Variants in HAPLN1 observed in about 807,000 individuals in gnomAD.
HAPLN1 encodes the protein hyaluronan and proteoglycan link protein 1.
In HAPLN1, 13 loss-of-function variants were observed where a neutral mutation model predicts 36.5. The observed-to-expected ratio is 0.36, with a 90% CI of 0.23 to 0.57. The LOEUF is 0.57. Ranked by LOEUF, HAPLN1 falls within the 20% of genes least tolerant of loss-of-function variation. HAPLN1 has a pLI of 0.83. For synonymous variants in HAPLN1, 202 were observed against 169.8 expected, an observed-to-expected ratio of 1.19 and a Z score of -1.48; for missense variants, 407 against 439.7, an observed-to-expected ratio of 0.93 and a Z score of 0.66.
At chr5:83,692,306 A>G (rs1390166109) in intron 1 of HAPLN1, among the ~76,000 whole-genome samples, 1 of 151,948 alleles carries the variant, frequency 6.6e-6, no homozygotes, top group Non-Finnish European at 1.5e-5. Flanking sequence ...AGCACAAGAA[A>G]CATGCAGAAA....
intron 2 of HAPLN1, among the ~76,000 whole-genome samples, chr5:83,663,147 G>A (rs1360091109): frequency 6.6e-6 from 1 of 152,172 alleles, no homozygotes; most frequent in Non-Finnish European, 1.5e-5. Context: ...GGGGAGCACA[G>A]GCCCCGTTCT....
Position 83,641,762 on chromosome 5 carries a change from G to T in HAPLN1, c.799C>A (p.Pro267Thr), listed in dbSNP as rs947667195. The T allele has an allele frequency of 2.5e-5, 41 of 1,613,948 alleles. No homozygotes were observed. The highest frequency in any genetic ancestry group is 3.3e-5 in the Non-Finnish European group (39 of 1,179,898). ...GCTTCATCATAGGTCAGTTTGGTGG[G>T]GTGGATCAGATAGTAAAAACGGCCT... ...FNGRFYYLIH[P>T]TKLTYDEAVQ... Residue 267 changes from proline (P) to threonine (T), a missense_variant, in exon 5 of 5, where the codon CCC (proline) becomes ACC (threonine). Coordinates refer to ENST00000274341, the MANE Select transcript of HAPLN1 (RefSeq NM_001884.4).
Position 83,712,927 on chromosome 5 carries a change from A to C in HAPLN1, c.-27+7862T>G, listed in dbSNP as rs536689036. Among the ~76,000 whole-genome samples, 4 of 151,474 alleles carry C rather than the reference A, an allele frequency of 2.6e-5. No homozygotes were observed. The South Asian group carries it at 8.3e-4, about 31-fold the overall frequency. On this transcript the variant is annotated intron_variant, in intron 1 of 4. Transcript: ENST00000274341. ...GTTGCTGAGAAGTCCAGAGAAATCC[A>C]GGATTATGGACTACAAATCTGACCT...
At chr5:83,706,101 AT>A (rs199874412) in intron 1 of HAPLN1, among the ~76,000 whole-genome samples, 1,650 of 136,358 alleles carry the variant, frequency 0.012, 71 homozygotes, top group African/African-American at 0.041. Context: ...TAGCCTACCA[AT>A]CGAAAAAAAA....
intron 1 of HAPLN1, chr5:83,682,303 C>T (rs1471078344): frequency 6.6e-6 from 1 of 152,096 alleles, no homozygotes; most frequent in Non-Finnish European, 1.5e-5. Context: ...AGTTAATGAA[C>T]AACAAGAATC....
Position 83,652,511 on chromosome 5 carries a change from C to T in HAPLN1, c.414G>A (p.Lys138=), listed in dbSNP as rs772072729. Residue 138 remains lysine, a synonymous_variant, in exon 3 of 5, where the codon AAG becomes AAA. Coordinates refer to ENST00000274341, the MANE Select transcript of HAPLN1 (RefSeq NM_001884.4). ...DLTLEDYGRY[K]CEVIEGLEDD... ...CTTCTAATCCTTCAATCACCTCACA[C>T]TTATATCTCCCATAATCTTCCAGAG... The T allele has an allele frequency of 2.5e-6, 4 of 1,614,180 alleles. No individual in the cohort carries two copies. The highest frequency in any genetic ancestry group is 1.7e-5 in the Admixed American group (1 of 60,026).
At chr5:83,687,062 C>A (rs368791045) in intron 1 of HAPLN1, among the ~76,000 whole-genome samples, 5 of 151,982 alleles carry the variant, frequency 3.3e-5, no homozygotes, top group Admixed American at 2.6e-4. Flanking sequence ...TCAAAAATTA[C>A]GAAATATGTA....
At chr5:83,711,955 A>G (rs1450509797) in intron 1 of HAPLN1, among the ~76,000 whole-genome samples, 1 of 152,188 alleles carries the variant, frequency 6.6e-6, no homozygotes, top group Admixed American at 6.5e-5. Context: ...ACAAATTCAG[A>G]CAGTACTGAA....
intron 1 of HAPLN1, among the ~76,000 whole-genome samples, chr5:83,679,929 C>A (rs73133857): frequency 6.6e-6 from 1 of 152,112 alleles, no homozygotes; most frequent in Non-Finnish European, 1.5e-5. Context: ...GATATCAGAT[C>A]GTCTCTTCTA....
At chr5:83,662,994 T>A (rs1750448922) in intron 2 of HAPLN1, among the ~76,000 whole-genome samples, 2 of 152,192 alleles carry the variant, frequency 1.3e-5, no homozygotes, top group Non-Finnish European at 2.9e-5. Context: ...CAGCCTACAA[T>A]GGGTCAGGTA....
At chr5:83,714,359 A>G (rs1369765422) in intron 1 of HAPLN1, among the ~76,000 whole-genome samples, 1 of 152,240 alleles carries the variant, frequency 6.6e-6, no homozygotes, top group Non-Finnish European at 1.5e-5. Context: ...CTAATGGGGT[A>G]TAATAAAAAA....
chr5:83,691,942 A>G (rs1238146916), intron 1 of HAPLN1, among the ~76,000 whole-genome samples: 3 of 151,970 alleles, frequency 2.0e-5, no homozygotes, highest in Admixed American at 2.0e-4. Context: ...AAAGACATTT[A>G]CAACCAGCCT....
At chr5:83,697,561 C>A (rs567745201) in intron 1 of HAPLN1, among the ~76,000 whole-genome samples, 1 of 152,056 alleles carries the variant, frequency 6.6e-6, no homozygotes, top group East Asian at 1.9e-4. Flanking sequence ...ATCTACCAAG[C>A]GATGGAATAT....
rs894124822 is a variant in HAPLN1 at position 83,641,207 on chromosome 5, T to G, written c.*289A>C. On this transcript the variant is annotated 3_prime_UTR_variant, in exon 5 of 5. Transcript: ENST00000274341. ...TCCTAGCAATTCTTAAGCTATTGCA[T>G]GCCCCGTTCATGAAAGGATACTTTG... 5.9e-6 allele frequency: 1 copy of G among 170,194 alleles called. No homozygotes were observed. Among genetic ancestry groups the G allele is most frequent in the African/African-American group, 2.4e-5 (1 of 42,088 alleles). The allele number at this position is 170,194 out of a possible 1,614,324, so 10.5% of individuals were successfully genotyped here.
At chr5:83,652,122 T>A in intron 3 of HAPLN1, 1 of 310,794 alleles carries the variant, frequency 3.2e-6, no homozygotes. Context: ...ATAAAAAAAG[T>A]ACACAGTCTG....
Position 83,641,397 on chromosome 5 carries a change from A to C in HAPLN1, c.*99T>G. ...TCTTTACAGTAAGTAAAAAAGGGTTATCACAGTTTTGGTAACTTGCATGAG... is the reference window on the plus strand; with the variant it reads ...TCTTTACAGTAAGTAAAAAAGGGTTCTCACAGTTTTGGTAACTTGCATGAG... On this transcript the variant is annotated 3_prime_UTR_variant, in exon 5 of 5. Transcript: ENST00000274341. 9.1e-7 allele frequency: 1 copy of C among 1,101,740 alleles called. No individual in the cohort carries two copies. Among genetic ancestry groups the C allele is most frequent in the Non-Finnish European group, 1.3e-6 (1 of 775,380 alleles). The allele number at this position is 1,101,740 out of a possible 1,614,324, so 68.2% of individuals were successfully genotyped here. A position where few individuals can be genotyped will look rare whatever the true frequency, so the allele number is the denominator to read the frequency against.
chr5:83,670,255 T>C (rs1237786688), intron 2 of HAPLN1, among the ~76,000 whole-genome samples: 1 of 152,166 alleles, frequency 6.6e-6, no homozygotes, highest in African/African-American at 2.4e-5. Context: ...TTCCTAATGG[T>C]CTCAAGTTTC....
intron 1 of HAPLN1, among the ~76,000 whole-genome samples, chr5:83,676,827 T>C (rs1244287757): frequency 6.6e-6 from 1 of 152,182 alleles, no homozygotes; most frequent in East Asian, 1.9e-4. Context: ...TTTCACAGCC[T>C]TACAAATCTT....
intron 2 of HAPLN1, among the ~76,000 whole-genome samples, chr5:83,667,268 C>T (rs988307177): frequency 3.9e-5 from 6 of 151,944 alleles, no homozygotes; most frequent in African/African-American, 1.2e-4. Context: ...GGTGATATTC[C>T]AAGTTTGATC....
Sources: gnomAD v4.1 joint callset for allele counts (sites outside exome capture counted in the v4.1 genomes callset) on GRCh38, gnomAD v4.1.1 for gene constraint, MANE v1.5 for transcripts, NCBI Gene and HGNC (gene_info 2026-07-23, HGNC 2026-07-21) for gene names.